Variants in GTPBP4 observed in about 807,000 individuals in gnomAD.
GTPBP4 encodes the protein GTP-binding protein 4.
GTPBP4 carries 15 observed loss-of-function variants against 81.7 expected under a neutral mutation model. The observed-to-expected ratio is 0.18, with a 90% CI of 0.12 to 0.28. The LOEUF is 0.28. Ranked by LOEUF, GTPBP4 falls within the 10% of genes least tolerant of loss-of-function variation. The pLI is 1.00. For missense variants in GTPBP4, 847 were observed against 793.8 expected, an observed-to-expected ratio of 1.07 and a Z score of -0.81; for synonymous variants, 272 against 274.6, an observed-to-expected ratio of 0.99 and a Z score of 0.09.
rs1427420914 is a variant in GTPBP4 at position 1,015,426 on chromosome 10, A to T, written c.1609-327A>T. 2.2e-4 allele frequency among the ~76,000 whole-genome samples: 21 copies of T among 94,490 alleles called. 2 individuals carry two copies. The highest frequency in any genetic ancestry group is 7.4e-4 in the African/African-American group (16 of 21,478). 62.0% of individuals were successfully genotyped at this position (94,490 alleles called of 152,430 possible). On this transcript the variant is annotated intron_variant, in intron 15 of 16. Transcript: ENST00000360803. ...TGGGGTCCTGAGCGCTGAGCCTGGG[A>T]GTGGACCTGGGGTCCTGAGCGCTGA... is the stretch of plus-strand genomic sequence containing the variant.
chr10:1,019,466 G>A lies in GTPBP4; in HGVS notation c.*2239G>A, dbSNP rs41260144. ...GGGTGTATCATTGCCTCAATGGTGC[G>A]TCTGCCTGCACTGAGGGCATTACAC... On this transcript the variant is annotated 3_prime_UTR_variant, in exon 17 of 17. Transcript: ENST00000360803. The A allele has an allele frequency of 2.5e-4, 366 of 1,453,576 alleles. 1 individual carries two copies. The highest frequency in any genetic ancestry group is 6.6e-4 in the South Asian group (51 of 77,276). The allele number at this position is 1,453,576 out of a possible 1,614,324, so 90.0% of individuals were successfully genotyped here. A position where few individuals can be genotyped will look rare whatever the true frequency, so the allele number is the denominator to read the frequency against.
intron 13 of GTPBP4, among the ~76,000 whole-genome samples, chr10:1,012,051 T>C (rs965269612): frequency 3.3e-5 from 5 of 152,188 alleles, no homozygotes; most frequent in South Asian, 2.1e-4. Flanking sequence ...TTTTGTCTTA[T>C]TTGTAGCCAG....
intron 1 of GTPBP4, among the ~76,000 whole-genome samples, chr10:989,837 A>C (rs568047588): frequency 1.7e-4 from 26 of 152,134 alleles, no homozygotes; most frequent in Non-Finnish European, 3.7e-4. Flanking sequence ...CCCAGGTTCA[A>C]GTGATTTTCC....
In GTPBP4 at chr10:1,019,768, C is replaced by G; in HGVS notation, c.*2541C>G. The G allele has an allele frequency of 6.2e-7, 1 of 1,613,950 alleles. No homozygotes were observed. The highest frequency in any genetic ancestry group is 8.5e-7 in the Non-Finnish European group (1 of 1,179,966). On this transcript the variant is annotated 3_prime_UTR_variant, in exon 17 of 17. Coordinates refer to ENST00000360803, the MANE Select transcript of GTPBP4 (RefSeq NM_012341.3). ...AGAAGGTAACAAATTTCATGCTCTC[C>G]CCAAATTCTGTCTGATTTTGCCTTG...
intron 1 of GTPBP4, chr10:988,741 G>A: frequency 1.7e-6 from 1 of 582,652 alleles, no homozygotes; most frequent in Non-Finnish European, 3.1e-6. Context: ...AGAGACCGGG[G>A]TCCACCTAAG....
At chr10:1,001,166 C>T (rs978112761) in intron 8 of GTPBP4, among the ~76,000 whole-genome samples, 153 bp downstream of exon 8, 1 of 152,188 alleles carries the variant, frequency 6.6e-6, no homozygotes, top group Admixed American at 6.5e-5. Flanking sequence ...AGTGAAAAGA[C>T]ATAATAAAAA....
rs193299667 is a variant in GTPBP4, at chr10:995,235, A to G, written c.220-694A>G. ...AAGAAGGGTGCTGTGGGGAGCATGA[A>G]TGTTTGGGGTAGAGCTGTGAGCACT... is the stretch of plus-strand genomic sequence containing the variant. On this transcript the variant is annotated intron_variant, in intron 2 of 16. Coordinates refer to ENST00000360803, the MANE Select transcript of GTPBP4 (RefSeq NM_012341.3). 2.0e-3 allele frequency among the ~76,000 whole-genome samples: 303 copies of G among 152,284 alleles called. 2 individuals carry two copies. Among genetic ancestry groups the G allele is most frequent in the African/African-American group, 6.8e-3 (283 of 41,554 alleles).
rs1208406995 is a variant in GTPBP4, at chr10:996,145, C to G, written c.363C>G (p.Asp121Glu). 6.2e-7 allele frequency: 1 copy of G among 1,611,714 alleles called. No homozygotes were observed. Among genetic ancestry groups the G allele is most frequent in the South Asian group, 1.1e-5 (1 of 90,986 alleles). ...ATGTGCGACTGATGAAGTATGGCGA[C>G]TCTCTCTACCGCTGCAAACAGCTGA... ...KDYVRLMKYG[D>E]SLYRCKQLKR... is the part of the protein sequence containing the mutation. The change falls in exon 4 of 17, where the codon GAC (aspartate) becomes GAG (glutamate). Residue 121 changes from aspartate (D) to glutamate (E), a missense_variant. By Grantham distance (45) the Asp-to-Glu change is conservative (BLOSUM62 2). Coordinates refer to ENST00000360803, the MANE Select transcript of GTPBP4 (RefSeq NM_012341.3).
intron 8 of GTPBP4, among the ~76,000 whole-genome samples, chr10:1,004,993 G>A (rs1429253072): frequency 6.6e-6 from 1 of 152,190 alleles, no homozygotes; most frequent in East Asian, 1.9e-4. Context: ...GGGGGCTCCG[G>A]TGGTGAGGGC....
intron 1 of GTPBP4, chr10:988,817 G>C (rs1184541226): frequency 1.1e-5 from 4 of 363,476 alleles, no homozygotes; most frequent in Non-Finnish European, 2.0e-5. Context: ...GGGTTCCCTG[G>C]AGGGGCCCCG....
intron 12 of GTPBP4, among the ~76,000 whole-genome samples, chr10:1,009,918 C>G (rs1302985638): frequency 6.6e-6 from 1 of 152,164 alleles, no homozygotes; most frequent in Non-Finnish European, 1.5e-5. Flanking sequence ...TCACTTGACC[C>G]TAGGAGGACA....
At chr10:995,576 C>T (rs1831524467) in intron 2 of GTPBP4, among the ~76,000 whole-genome samples, 1 of 152,046 alleles carries the variant, frequency 6.6e-6, no homozygotes, top group African/African-American at 2.4e-5. Context: ...TGAGAAATAA[C>T]AGCAAATTTT....
intron 14 of GTPBP4, 109 bp downstream of exon 14, chr10:1,012,771 C>A: frequency 1.4e-6 from 1 of 699,758 alleles, no homozygotes; most frequent in Non-Finnish European, 2.4e-6. Flanking sequence ...CATAAGATTG[C>A]ACATTCTTGT....
At chr10:1,005,673 GT>G in intron 8 of GTPBP4, 144 bp from the exon 9 acceptor site, 1 of 601,006 alleles carries the variant, frequency 1.7e-6, no homozygotes, top group Admixed American at 3.0e-5. Flanking sequence ...GAAAATAACT[GT>G]TTTTAGGATA....
At chr10:996,525 G>C (rs768689330) in intron 4 of GTPBP4, 19 of 248,400 alleles carry the variant, frequency 7.6e-5, no homozygotes, top group Non-Finnish European at 1.1e-4. Flanking sequence ...AACTAAGGTG[G>C]CTCATAGTTT....
rs536841927 is a variant in GTPBP4, at chr10:1,007,214, G to A, written c.1113+86G>A. ...GCCTTTTCCAGAAGCCTCCCATCCA[G>A]CTTCACACACTCGCAGGTGGATATT... is the stretch of plus-strand genomic sequence containing the variant. On this transcript the variant is annotated intron_variant, in intron 10 of 16. Transcript: ENST00000360803. The A allele has an allele frequency of 2.0e-4, 144 of 738,452 alleles. 1 individual carries two copies. The South Asian group carries it at 2.0e-3, about 10-fold the overall frequency. 45.7% of individuals were successfully genotyped at this position (738,452 alleles called of 1,614,324 possible).
chr10:999,606 G>A (rs1259743498), intron 6 of GTPBP4, among the ~76,000 whole-genome samples: 1 of 152,194 alleles, frequency 6.6e-6, no homozygotes, highest in Non-Finnish European at 1.5e-5. Context: ...AACATAAAAT[G>A]AAATTATCTT....
chr10:1,009,498 A>T, intron 11 of GTPBP4, 31 bp from the exon 12 acceptor site: 1 of 1,502,910 alleles, frequency 6.7e-7, no homozygotes, highest in Non-Finnish European at 9.3e-7. Context: ...AGGCAAAATG[A>T]AGCTGATGAT....
intron 10 of GTPBP4, 179 bp downstream of exon 10, chr10:1,007,307 G>A (rs1036884361): frequency 5.5e-6 from 3 of 543,776 alleles, no homozygotes; most frequent in South Asian, 5.0e-5. Context: ...AGTGCAGAAC[G>A]CCACATGGCA....
Sources: allele counts gnomAD v4.1 joint callset (sites outside exome capture counted in the v4.1 genomes callset), GRCh38; gene constraint gnomAD v4.1.1; transcripts MANE v1.5; gene names NCBI Gene and HGNC (gene_info 2026-07-23, HGNC 2026-07-21).